The following ZNF131 variants were observed in gnomAD, a reference collection of about 807,000 sequenced individuals.
ZNF131 encodes the protein zinc finger protein 131.
ZNF131 carries 7 observed loss-of-function variants against 60.0 expected under a neutral mutation model. That is an observed-to-expected ratio of 0.12 (90% CI 0.07 to 0.22). The LOEUF is 0.22. Among genes scored for constraint, ZNF131 ranks in the 10% least tolerant of loss-of-function variants. The probability of loss-of-function intolerance (pLI) is 1.00; values close to 1 mark genes in which losing one functional copy is unlikely to be tolerated. For missense variants in ZNF131, 493 were observed against 740.9 expected (o/e 0.67, Z 3.88); for synonymous variants, 257 against 253.2 (o/e 1.01, Z -0.14).
chr5:43,161,575 A>G lies in ZNF131; in HGVS notation c.698A>G (p.Asp233Gly). 3 of 1,614,274 alleles carry G rather than the reference A, an allele frequency of 1.9e-6. No homozygotes were observed. The highest frequency in any genetic ancestry group is 2.5e-6 in the Non-Finnish European group (3 of 1,180,048). ...GACAGAAAAGGGCAGATTAAAGAAG[A>G]TGGCTGTCCATCTGACCCCACGAGC... ...QGDRKGQIKE[D>G]GCPSDPTSKQ... Residue 233 changes from aspartate to glycine, a missense_variant, in exon 5 of 7, where the codon GAT (aspartate) becomes GGT (glycine). Physicochemically the swap from Asp to Gly is moderately conservative, Grantham distance 94 (BLOSUM62 -1). Around this residue, in one of 7 missense-constraint regions of ZNF131, gnomAD observed 138 missense variants for 158.7 expected, o/e 0.87. Transcript: ENST00000682664.
intron 3 of ZNF131, among the ~76,000 whole-genome samples, chr5:43,128,505 A>T (rs976132759): frequency 6.6e-6 from 1 of 151,868 alleles, no homozygotes; most frequent in Non-Finnish European, 1.5e-5. Flanking sequence ...AATACAAAAA[A>T]AATTAGCTGG....
At chr5:43,140,923 T>G (rs947538565) in intron 4 of ZNF131, among the ~76,000 whole-genome samples, 1 of 152,186 alleles carries the variant, frequency 6.6e-6, no homozygotes, top group African/African-American at 2.4e-5. Flanking sequence ...TTCGCCATGT[T>G]GCCCAGGCTG....
intron 4 of ZNF131, among the ~76,000 whole-genome samples, chr5:43,139,977 AGGCTGAGGTGGAT>A (rs1746596414): frequency 6.6e-6 from 1 of 152,182 alleles, no homozygotes; most frequent in South Asian, 2.1e-4. Flanking sequence ...GCACTTTGGA[AGGCTGAGGTGGAT>A]GGATAGCTTA....
chr5:43,127,529 G>T (rs1744705114), intron 3 of ZNF131, among the ~76,000 whole-genome samples: 1 of 152,238 alleles, frequency 6.6e-6, no homozygotes, highest in South Asian at 2.1e-4. Flanking sequence ...ATTCTAGTGT[G>T]CAGTCAATGT....
At chr5:43,168,050 A>G in intron 5 of ZNF131, 2 of 420,338 alleles carry the variant, frequency 4.8e-6, no homozygotes, top group Non-Finnish European at 9.5e-6. Context: ...TGAGCATGCT[A>G]GCTCAGGTTT....
At chr5:43,165,153 G>A (rs113337588) in intron 5 of ZNF131, among the ~76,000 whole-genome samples, 8,091 of 150,694 alleles carry the variant, frequency 0.054, 323 homozygotes, top group South Asian at 0.13. Flanking sequence ...GTTTCACCAC[G>A]TTGCCTAGGC....
chr5:43,173,648 A>G (rs1418813100), intron 6 of ZNF131, among the ~76,000 whole-genome samples, 200 bp downstream of exon 6: 2 of 152,180 alleles, frequency 1.3e-5, no homozygotes, highest in Admixed American at 6.5e-5. Context: ...GTCAATAACA[A>G]CTATGTCCTA....
At chr5:43,167,903 TA>T in intron 5 of ZNF131, 1 of 442,954 alleles carries the variant, frequency 2.3e-6, no homozygotes, top group South Asian at 1.6e-5. Flanking sequence ...GGAGAATTTA[TA>T]AAGAAAAGGA....
intron 4 of ZNF131, among the ~76,000 whole-genome samples, chr5:43,150,118 T>C (rs1009033862): frequency 2.6e-5 from 4 of 152,210 alleles, no homozygotes; most frequent in Non-Finnish European, 5.9e-5. Flanking sequence ...TGTACCGTGC[T>C]CACAGTTGTT....
chr5:43,136,008 G>C (rs951940428), intron 3 of ZNF131, among the ~76,000 whole-genome samples: 111 of 152,238 alleles, frequency 7.3e-4, no homozygotes, highest in African/African-American at 2.7e-3. Flanking sequence ...CCAGCTACTT[G>C]GGAGGCTGAG....
At chr5:43,172,790 A>G (rs898003708) in intron 5 of ZNF131, among the ~76,000 whole-genome samples, 3 of 152,048 alleles carry the variant, frequency 2.0e-5, no homozygotes, top group Non-Finnish European at 2.9e-5. Flanking sequence ...TGCTACTGCA[A>G]TACATATTCC....
At chr5:43,169,185 T>C (rs1362171194) in intron 5 of ZNF131, among the ~76,000 whole-genome samples, 2 of 152,230 alleles carry the variant, frequency 1.3e-5, no homozygotes, top group Non-Finnish European at 1.5e-5. Flanking sequence ...ACTTTATCTT[T>C]GGGCTTTTCT....
In ZNF131 at chr5:43,175,441, T is replaced by C. The variant is rs1190703691; in HGVS notation, c.*308T>C. ...TTTTCATTGTGGTAAAAGTTCTTCCTTTTCTCTTTCCCAGGTCATGTTCTT... is the reference window on the plus strand; with the variant it reads ...TTTTCATTGTGGTAAAAGTTCTTCCCTTTCTCTTTCCCAGGTCATGTTCTT... On this transcript the variant is annotated 3_prime_UTR_variant, in exon 7 of 7. Transcript: ENST00000682664. 2 of 698,620 alleles carry C rather than the reference T, an allele frequency of 2.9e-6. No individual in the cohort carries two copies. Among genetic ancestry groups the C allele is most frequent in the Non-Finnish European group, 5.2e-6 (2 of 384,448 alleles). 43.3% of individuals were successfully genotyped at this position (698,620 alleles called of 1,614,324 possible).
chr5:43,153,463 T>TAAAAAAA lies in ZNF131; in HGVS notation c.372-7766_372-7760dup, dbSNP rs35596507. 9.8e-4 allele frequency among the ~76,000 whole-genome samples: 60 copies of TAAAAAAA among 61,166 alleles called. 2 individuals are homozygous for TAAAAAAA. Among genetic ancestry groups the TAAAAAAA allele is most frequent in the African/African-American group, 4.3e-3 (58 of 13,352 alleles). 40.1% of individuals were successfully genotyped at this position (61,166 alleles called of 152,430 possible). On this transcript the variant is annotated intron_variant, in intron 4 of 6. Transcript: ENST00000682664. ...CAACATGGTGAACTCCCATCTCTAC[T>TAAAAAAA]AAAAAAAAAAAAAAAAAAAAAAAAA...
chr5:43,130,554 T>G (rs1745208782), intron 3 of ZNF131, among the ~76,000 whole-genome samples: 1 of 152,124 alleles, frequency 6.6e-6, no homozygotes, highest in Non-Finnish European at 1.5e-5. Flanking sequence ...TTTACCACAT[T>G]TTTTAATTTT....
intron 3 of ZNF131, among the ~76,000 whole-genome samples, chr5:43,130,859 C>T (rs961637789): frequency 2.6e-5 from 4 of 151,486 alleles, no homozygotes; most frequent in South Asian, 2.1e-4. Flanking sequence ...AGCCACCACG[C>T]CCGGCTCTTT....
At chr5:43,168,025 A>G (rs1332566102) in intron 5 of ZNF131, 1 of 442,766 alleles carries the variant, frequency 2.3e-6, no homozygotes, top group Non-Finnish European at 4.5e-6. Context: ...GCAGGGCATC[A>G]CATGGTGAGG....
At chr5:43,148,076 AAAG>A (rs1413663385) in intron 4 of ZNF131, among the ~76,000 whole-genome samples, 94 of 151,016 alleles carry the variant, frequency 6.2e-4, no homozygotes, top group Non-Finnish European at 1.2e-3. Flanking sequence ...AAAAAAGAAA[AAAG>A]TAGTTTTATA....
chr5:43,130,389 T>A lies in ZNF131; in HGVS notation c.226+7079T>A, dbSNP rs188673116. On this transcript the variant is annotated intron_variant, in intron 3 of 6. Transcript: ENST00000682664. ...GAGAGAAAGAAATAATGTATACATT[T>A]TGTGAAATGAGTAATATAAAAGTAA... Among the ~76,000 whole-genome samples the A allele has an allele frequency of 1.1e-3, 167 of 152,086 alleles. 1 individual carries two copies. The highest frequency in any genetic ancestry group is 4.0e-3 in the African/African-American group (164 of 41,512).
Sources: gnomAD v4.1 joint callset for allele counts (sites outside exome capture counted in the v4.1 genomes callset) on GRCh38, gnomAD v4.1.1 for gene constraint, gnomAD v4.1.1 regional missense constraint, MANE v1.5 for transcripts, NCBI Gene and HGNC (gene_info 2026-07-23, HGNC 2026-07-21) for gene names.